Variants in SLC25A16 observed in about 807,000 individuals in gnomAD.
SLC25A16 encodes mitochondrial coenzyme A transporter SLC25A16.
A neutral mutation model predicts 41.5 loss-of-function variants in SLC25A16; 39 were observed. The observed-to-expected ratio is 0.94, with a 90% CI of 0.73 to 1.23. The LOEUF (loss-of-function observed/expected upper bound fraction) is 1.23, where lower values mean the gene tolerates loss of function less well. Among genes scored for constraint, SLC25A16 ranks in the 50% most tolerant of loss-of-function variants. The pLI, the probability that SLC25A16 is intolerant of heterozygous loss-of-function variation, is 0.00. For missense variants in SLC25A16, 421 were observed against 426.9 expected, an observed-to-expected ratio of 0.99 and a Z score of 0.12; for synonymous variants, 146 against 147.8, an observed-to-expected ratio of 0.99 and a Z score of 0.09.
intron 3 of SLC25A16, among the ~76,000 whole-genome samples, chr10:68,505,525 A>C (rs2664434): frequency 0.081 from 12,360 of 151,704 alleles, 768 homozygotes; most frequent in African/African-American, 0.17. Flanking sequence ...TGTAATCCCA[A>C]GAATTTGGGA....
rs72797531 is a variant in SLC25A16, at chr10:68,494,481, G to A, written c.422-911C>T. 1.5e-3 allele frequency among the ~76,000 whole-genome samples: 218 copies of A among 144,642 alleles called. 8 individuals carry two copies. The highest frequency in any genetic ancestry group is 2.8e-3 in the Non-Finnish European group (182 of 64,934). 94.9% of individuals were successfully genotyped at this position (144,642 alleles called of 152,430 possible). The stretch of plus-strand genomic sequence containing the variant: ...AGGAAAGAAAAGAAAAGGAGGGGAG[G>A]GGAGGGAAGGGGAGGAGGGAGGGGA... On this transcript the variant is annotated intron_variant, in intron 4 of 8. Transcript: ENST00000609923.
At chr10:68,526,779 A>T in intron 1 of SLC25A16, among the ~76,000 whole-genome samples, 1 of 152,214 alleles carries the variant, frequency 6.6e-6, no homozygotes, top group South Asian at 2.1e-4. Context: ...AATCACTGGA[A>T]CCAGTTTTGG....
In SLC25A16 at chr10:68,493,515, T is replaced by C. The variant is rs771375655; in HGVS notation, c.477A>G (p.Ala159=). The change falls in exon 5 of 9, where the codon GCA becomes GCG. Residue 159 remains alanine, a synonymous_variant. Transcript: ENST00000609923. ...AGCTGTGTTCCCCTTTCACCTGGAA[T>C]GCTAGGCGGACCCTAACCATGTCAA... ...YPLDMVRVRL[A]FQVKGEHSYT... 6.2e-7 allele frequency: 1 copy of C among 1,613,146 alleles called. No individual in the cohort carries two copies. Among genetic ancestry groups the C allele is most frequent in the Non-Finnish European group, 8.5e-7 (1 of 1,179,202 alleles).
At position 68,491,565 on chromosome 10, in the gene SLC25A16, G is replaced by A. The variant is rs570716572; in HGVS notation, c.610+1567C>T. Among the ~76,000 whole-genome samples the A allele has an allele frequency of 2.0e-5, 3 of 152,058 alleles. No individual in the cohort carries two copies. In the South Asian group the frequency reaches 6.2e-4, roughly 32 times the overall value. On this transcript the variant is annotated intron_variant, in intron 6 of 8. Coordinates refer to ENST00000609923, the MANE Select transcript of SLC25A16 (RefSeq NM_152707.4). ...TGTTTGTTTGATTTTTAGAGACAAGGTCTCACTCTGTCACCCAGGAGGGTG... is the reference window on the plus strand; with the variant it reads ...TGTTTGTTTGATTTTTAGAGACAAGATCTCACTCTGTCACCCAGGAGGGTG...
chr10:68,496,085 C>T (rs1483116248), intron 4 of SLC25A16, among the ~76,000 whole-genome samples: 1 of 152,148 alleles, frequency 6.6e-6, no homozygotes, highest in Non-Finnish European at 1.5e-5. Context: ...GTTACCCTTT[C>T]CTTTGAGAAT....
intron 1 of SLC25A16, among the ~76,000 whole-genome samples, chr10:68,520,369 T>C (rs916994137): frequency 1.4e-4 from 21 of 152,144 alleles, no homozygotes; most frequent in South Asian, 2.1e-4. Flanking sequence ...AAATATTAGA[T>C]AGACAATCTG....
At chr10:68,513,331 C>T (rs779851548) in intron 2 of SLC25A16, among the ~76,000 whole-genome samples, 7 of 150,462 alleles carry the variant, frequency 4.7e-5, no homozygotes, top group Non-Finnish European at 1.0e-4. Context: ...ACTGCTTGAA[C>T]CCAGAAGGCA....
intron 6 of SLC25A16, among the ~76,000 whole-genome samples, chr10:68,491,418 T>G (rs563823946): frequency 6.6e-6 from 1 of 152,170 alleles, no homozygotes; most frequent in African/African-American, 2.4e-5. Context: ...AGAGACGGTG[T>G]TTCTCCATGT....
chr10:68,527,493 C>T lies in SLC25A16; in HGVS notation c.-118G>A, dbSNP rs561182108. 2 of 993,684 alleles carry T rather than the reference C, an allele frequency of 2.0e-6. No individual in the cohort carries two copies. The highest frequency in any genetic ancestry group is 7.1e-5 in the Admixed American group (2 of 28,128). 61.6% of individuals were successfully genotyped at this position (993,684 alleles called of 1,614,324 possible). On this transcript the variant is annotated 5_prime_UTR_variant, in exon 1 of 9. It adds an upstream start codon to the 5' untranslated region. Coordinates refer to ENST00000609923, the MANE Select transcript of SLC25A16 (RefSeq NM_152707.4). ...GCCCCGCCGGCGGGGCAAAGTAACA[C>T]CCGGCGGCGCGGCGCCGGCTGATGG...
chr10:68,497,766 G>A (rs1252394760), intron 4 of SLC25A16, among the ~76,000 whole-genome samples: 12 of 151,730 alleles, frequency 7.9e-5, no homozygotes, highest in East Asian at 5.8e-4. Context: ...ACAGGTGTGC[G>A]TCAAGACACC....
chr10:68,480,280 T>C lies in SLC25A16; in HGVS notation c.*3152A>G, dbSNP rs1312452092. The C allele has an allele frequency of 6.6e-6, 1 of 152,188 alleles. No individual in the cohort carries two copies. The highest frequency in any genetic ancestry group is 2.4e-5 in the African/African-American group (1 of 41,458). The allele number at this position is 152,188 out of a possible 1,614,324, so 9.4% of individuals were successfully genotyped here. On this transcript the variant is annotated 3_prime_UTR_variant, in exon 9 of 9. Transcript: ENST00000609923. Reference sequence around the variant, plus strand: ...TTTGGGCAATCTGAAATAAATCAGATATAAACACAGTCATTATTTTAAATA... The same window carrying C: ...TTTGGGCAATCTGAAATAAATCAGACATAAACACAGTCATTATTTTAAATA...
intron 6 of SLC25A16, among the ~76,000 whole-genome samples, chr10:68,489,749 A>G (rs1038709882): frequency 1.3e-5 from 2 of 151,786 alleles, no homozygotes; most frequent in Non-Finnish European, 2.9e-5. Flanking sequence ...AAAAATACAA[A>G]TATTAGCTGG....
chr10:68,489,377 T>A (rs567594462), intron 6 of SLC25A16, among the ~76,000 whole-genome samples: 2 of 152,334 alleles, frequency 1.3e-5, no homozygotes, highest in African/African-American at 4.8e-5. Context: ...TGTCTAAGTT[T>A]GTCTTCAAGG....
In SLC25A16 at chr10:68,487,914, C is replaced by T. The variant is rs183085154; in HGVS notation, c.773+553G>A. Among the ~76,000 whole-genome samples the T allele has an allele frequency of 1.1e-3, 174 of 151,988 alleles. 1 individual carries two copies. Among genetic ancestry groups the T allele is most frequent in the African/African-American group, 4.1e-3 (169 of 41,416 alleles). Reference sequence around the variant, plus strand: ...TGTCGCCCAGGCTGGAGTGCAGTGACGCAATCTTGGCTCACTGCAACCTCC... The same window carrying T: ...TGTCGCCCAGGCTGGAGTGCAGTGATGCAATCTTGGCTCACTGCAACCTCC... On this transcript the variant is annotated intron_variant, in intron 7 of 8. Coordinates refer to ENST00000609923, the MANE Select transcript of SLC25A16 (RefSeq NM_152707.4).
intron 4 of SLC25A16, among the ~76,000 whole-genome samples, chr10:68,500,569 A>G (rs1348127756): frequency 2.0e-5 from 3 of 150,400 alleles, no homozygotes; most frequent in African/African-American, 7.3e-5. Flanking sequence ...TGGCCTCCCA[A>G]AGTGCTGGGA....
At chr10:68,495,521 C>T (rs191895193) in intron 4 of SLC25A16, among the ~76,000 whole-genome samples, 5 of 152,068 alleles carry the variant, frequency 3.3e-5, no homozygotes, top group Admixed American at 2.6e-4. Flanking sequence ...CAGTGGCTCA[C>T]GCCTGTAATC....
In SLC25A16 at chr10:68,478,029, G is replaced by C. The variant is rs572253107; in HGVS notation, c.*5403C>G. 1.3e-5 allele frequency: 2 copies of C among 152,208 alleles called. No individual in the cohort carries two copies. Among genetic ancestry groups the C allele is most frequent in the East Asian group, 3.9e-4 (2 of 5,182 alleles). 9.4% of individuals were successfully genotyped at this position (152,208 alleles called of 1,614,324 possible). On this transcript the variant is annotated 3_prime_UTR_variant, in exon 9 of 9. Coordinates refer to ENST00000609923, the MANE Select transcript of SLC25A16 (RefSeq NM_152707.4). ...TATTGCTTGGTATGTTTATTGACAA[G>C]TTCAAATTTAATGACATGTTACAGT...
At chr10:68,508,103 C>T (rs1261512672) in intron 2 of SLC25A16, among the ~76,000 whole-genome samples, 3 of 151,794 alleles carry the variant, frequency 2.0e-5, no homozygotes, top group African/African-American at 7.3e-5. Context: ...TGGTGTCGTG[C>T]GCCTGTAATC....
intron 8 of SLC25A16, among the ~76,000 whole-genome samples, chr10:68,486,240 A>AAAAAAAAAAAAAAAAAC (rs1564908736): frequency 6.8e-5 from 10 of 146,842 alleles, no homozygotes; most frequent in African/African-American, 2.4e-4. Context: ...ACAAAAAAAA[A>AAAAAAAAAAAAAAAAAC]AAAAAAACAC....
Sources: allele counts gnomAD v4.1 joint callset (sites outside exome capture counted in the v4.1 genomes callset), GRCh38; gene constraint gnomAD v4.1.1; transcripts MANE v1.5; gene names NCBI Gene and HGNC (gene_info 2026-07-23, HGNC 2026-07-21).